P3H2: variants seen among roughly 807,000 people sequenced by gnomAD.
P3H2 encodes the protein prolyl 3-hydroxylase 2.
A neutral mutation model predicts 87.0 loss-of-function variants in P3H2; 80 were observed. That is an observed-to-expected ratio of 0.92 (90% confidence interval 0.77 to 1.11). The LOEUF is 1.11. Among genes scored for constraint, P3H2 ranks in the 50% least tolerant of loss-of-function variants. The probability of loss-of-function intolerance (pLI) is 0.00; values close to 1 mark genes in which losing one functional copy is unlikely to be tolerated. For synonymous variants in P3H2, 367 were observed against 359.3 expected (o/e 1.02, Z -0.24); for missense variants, 1,001 against 923.9 (o/e 1.08, Z -1.08).
At position 190,105,879 on chromosome 3, in the gene P3H2, TA is replaced by T. The variant is rs575804141; in HGVS notation, c.480+14372del. Among the ~76,000 whole-genome samples the T allele has an allele frequency of 1.6e-4, 25 of 152,294 alleles. 1 individual carries two copies. In the South Asian group the frequency reaches 5.2e-3, roughly 32 times the overall value. On this transcript the variant is annotated intron_variant, in intron 1 of 14. Coordinates refer to ENST00000319332, the MANE Select transcript of P3H2 (RefSeq NM_018192.4). ...TTATGACAGAGCTGGGTGTAGAGAT[TA>T]AATTGCTTGATTCCTAGACTTGTAA...
At chr3:190,106,223 T>C (rs111741343) in intron 1 of P3H2, among the ~76,000 whole-genome samples, 307 of 152,242 alleles carry the variant, frequency 2.0e-3, no homozygotes, top group Non-Finnish European at 3.4e-3. Context: ...TGGGAGAATT[T>C]AATGGGGAAG....
At chr3:190,004,684 G>C (rs765212908) in intron 1 of P3H2, among the ~76,000 whole-genome samples, 1 of 152,122 alleles carries the variant, frequency 6.6e-6, no homozygotes, top group Non-Finnish European at 1.5e-5. Flanking sequence ...GCCTGGCCAC[G>C]AACAATAATT....
chr3:189,957,466 TG>T lies in P3H2; in HGVS notation c.*445del. 2 of 387,838 alleles carry T rather than the reference TG, an allele frequency of 5.2e-6. No homozygotes were observed. Among genetic ancestry groups the T allele is most frequent in the Middle Eastern group, 6.8e-4 (1 of 1,474 alleles). The allele number at this position is 387,838 out of a possible 1,614,324, so 24.0% of individuals were successfully genotyped here. A position where few individuals can be genotyped will look rare whatever the true frequency, so the allele number is the denominator to read the frequency against. Reference sequence around the variant, plus strand: ...TTGTGTGTGTGTGTGTGTGTGTGTGTGTGTGTGTGTGTGTTTGGGGGAGGAG... The same window carrying T: ...TTGTGTGTGTGTGTGTGTGTGTGTGTTGTGTGTGTGTGTTTGGGGGAGGAG... On this transcript the variant is annotated 3_prime_UTR_variant, in exon 15 of 15. Coordinates refer to ENST00000319332, the MANE Select transcript of P3H2 (RefSeq NM_018192.4).
chr3:190,095,024 A>C lies in P3H2; in HGVS notation c.480+25228T>G, dbSNP rs141833248. On this transcript the variant is annotated intron_variant, in intron 1 of 14. Transcript: ENST00000319332. ...AAAGAATAGAGCCAGTATTTCCCAA[A>C]GTAAGTTCCATTAGTTTTCACAGAA... is the stretch of plus-strand genomic sequence containing the variant. 4.6e-3 allele frequency among the ~76,000 whole-genome samples: 700 copies of C among 152,268 alleles called. 8 individuals are homozygous for C. The highest frequency in any genetic ancestry group is 0.016 in the African/African-American group (683 of 41,552).
At chr3:190,093,324 T>A (rs1023021434) in intron 1 of P3H2, among the ~76,000 whole-genome samples, 2 of 152,104 alleles carry the variant, frequency 1.3e-5, no homozygotes, top group Non-Finnish European at 2.9e-5. Flanking sequence ...TGATCATCAA[T>A]CCTTATTGCA....
rs1189022356 is a variant in P3H2, at chr3:190,120,534, G to C, written c.198C>G (p.Asp66Glu). 19 of 1,503,806 alleles carry C rather than the reference G, an allele frequency of 1.3e-5. No individual in the cohort carries two copies. Among genetic ancestry groups the C allele is most frequent in the Non-Finnish European group, 1.7e-5 (19 of 1,134,782 alleles). 93.2% of individuals were successfully genotyped at this position (1,503,806 alleles called of 1,614,324 possible). ...GGTGGCTGCGCAGCGCCGCTTCCAA[G>C]TCGCGCACCGCTCGCTCGTAGTCTC... is the stretch of plus-strand genomic sequence containing the variant. ...YSGDYERAVR[D>E]LEAALRSHRR... is the part of the protein sequence containing the mutation. The change falls in exon 1 of 15, where the codon GAC becomes GAG. Residue 66 changes from aspartate to glutamate, a missense_variant. Transcript: ENST00000319332.
chr3:189,964,445 A>C (rs1366657703), intron 13 of P3H2, among the ~76,000 whole-genome samples: 1 of 152,226 alleles, frequency 6.6e-6, no homozygotes, highest in Non-Finnish European at 1.5e-5. Context: ...TGCACTAGCA[A>C]AGCATCCGGA....
intron 1 of P3H2, among the ~76,000 whole-genome samples, chr3:190,051,408 A>C (rs1245731008): frequency 1.3e-5 from 2 of 152,204 alleles, no homozygotes; most frequent in African/African-American, 2.4e-5. Context: ...TAATACGGAA[A>C]AGGTAAAAAT....
chr3:190,113,760 G>A (rs1325038169), intron 1 of P3H2, among the ~76,000 whole-genome samples: 5 of 152,132 alleles, frequency 3.3e-5, no homozygotes, highest in Non-Finnish European at 5.9e-5. Flanking sequence ...ATGAAGAAAG[G>A]GAGGCAGCAG....
intron 13 of P3H2, among the ~76,000 whole-genome samples, chr3:189,965,230 A>C (rs956420783): frequency 6.6e-6 from 1 of 152,220 alleles, no homozygotes; most frequent in African/African-American, 2.4e-5. Flanking sequence ...AGAATATTTG[A>C]AAAATTTCCT....
chr3:190,039,843 G>T (rs996267273), intron 1 of P3H2, among the ~76,000 whole-genome samples: 1 of 152,186 alleles, frequency 6.6e-6, no homozygotes, highest in African/African-American at 2.4e-5. Flanking sequence ...TTTCCCCAGT[G>T]AGCCTAGAAC....
At chr3:189,989,744 T>C (rs931151300) in intron 3 of P3H2, among the ~76,000 whole-genome samples, 4 of 152,120 alleles carry the variant, frequency 2.6e-5, no homozygotes, top group African/African-American at 9.7e-5. Context: ...GGAATGAGCA[T>C]CTTATTTCCT....
intron 1 of P3H2, among the ~76,000 whole-genome samples, chr3:190,028,488 G>A (rs893172368): frequency 2.0e-5 from 3 of 152,124 alleles, no homozygotes; most frequent in Non-Finnish European, 2.9e-5. Flanking sequence ...CACAATTAGA[G>A]GGGAACTTGT....
intron 1 of P3H2, among the ~76,000 whole-genome samples, chr3:190,011,804 A>C (rs1438483204): frequency 1.3e-5 from 2 of 152,236 alleles, no homozygotes; most frequent in Non-Finnish European, 2.9e-5. Flanking sequence ...AAACATGCTC[A>C]TGATATACTC....
chr3:190,013,158 A>G (rs1383384850), intron 1 of P3H2, among the ~76,000 whole-genome samples: 6 of 152,230 alleles, frequency 3.9e-5, no homozygotes, highest in Non-Finnish European at 7.3e-5. Context: ...ATATATTGAT[A>G]TGAATATAAT....
chr3:190,087,939 T>C (rs981822071), intron 1 of P3H2, among the ~76,000 whole-genome samples: 1 of 152,192 alleles, frequency 6.6e-6, no homozygotes, highest in Non-Finnish European at 1.5e-5. Flanking sequence ...AAGGAATTGG[T>C]CCAAGTGTTC....
chr3:190,050,519 T>G (rs1457318198), intron 1 of P3H2, among the ~76,000 whole-genome samples: 2 of 152,198 alleles, frequency 1.3e-5, no homozygotes, highest in Admixed American at 1.3e-4. Context: ...AGGTTTTGTT[T>G]TTTTCTGGAA....
rs1179933541 is a variant in P3H2 at position 190,004,484 on chromosome 3, G to T, written c.481-9042C>A. ...TGCAAGCTCCGCCTCCCGGGTTCAC[G>T]CCATTCTCCTGCCTCAGCCTCCCGA... On this transcript the variant is annotated intron_variant, in intron 1 of 14. Coordinates refer to ENST00000319332, the MANE Select transcript of P3H2 (RefSeq NM_018192.4). Among the ~76,000 whole-genome samples the T allele has an allele frequency of 2.0e-5, 3 of 152,016 alleles. No individual in the cohort carries two copies. The East Asian group carries it at 5.8e-4, about 29-fold the overall frequency.
rs1258556613 is a variant in P3H2 at position 190,120,616 on chromosome 3, C to T, written c.116G>A (p.Gly39Glu). The change falls in exon 1 of 15, where the codon GGG (glycine) becomes GAG (glutamate). Residue 39 changes from glycine (G) to glutamate (E), a missense_variant. Physicochemically the swap from Gly to Glu is moderately conservative, Grantham distance 98 (BLOSUM62 -2). Transcript: ENST00000319332. ...SPRRELELEP[G>E]PLQPFDLLYA... ...GAGCAGGTCGAAGGGCTGCAGAGGC[C>T]CGGGCTCCAGCTCCAGCTCCCGGCG... 6.5e-7 allele frequency: 1 copy of T among 1,539,620 alleles called. No individual in the cohort carries two copies. The highest frequency in any genetic ancestry group is 8.7e-7 in the Non-Finnish European group (1 of 1,152,226).
Sources: gnomAD v4.1 joint callset for allele counts (sites outside exome capture counted in the v4.1 genomes callset) on GRCh38, gnomAD v4.1.1 for gene constraint, MANE v1.5 for transcripts, NCBI Gene and HGNC (gene_info 2026-07-23, HGNC 2026-07-21) for gene names.